Variants in EDA observed in about 807,000 individuals in gnomAD.
EDA encodes ectodysplasin A.
A neutral mutation model predicts 23.6 loss-of-function variants in EDA; 2 were observed. That is an observed-to-expected ratio of 0.08 (90% confidence interval 0.03 to 0.27). The LOEUF is 0.27. Among genes scored for constraint, EDA ranks in the 10% least tolerant of loss-of-function variants. EDA has a pLI of 1.00. For missense variants in EDA, 229 were observed against 324.2 expected (o/e 0.71, Z 2.26); for synonymous variants, 131 against 132.0 (o/e 0.99, Z 0.05).
chrX:69,806,399 G>A (rs1044448099), intron 1 of EDA, among the ~76,000 whole-genome samples: 6 of 110,663 alleles, frequency 5.4e-5, no homozygotes, highest in Non-Finnish European at 7.6e-5. Context: ...ATTTAATATT[G>A]GGATTATCAA....
chrX:69,797,055 A>G (rs2015560702), intron 1 of EDA, among the ~76,000 whole-genome samples: 1 of 111,624 alleles, frequency 9.0e-6, no homozygotes, highest in Non-Finnish European at 1.9e-5. Flanking sequence ...AAGAACAAAA[A>G]AGAATAAGCA....
chrX:69,669,810 C>A (rs1933818623), intron 1 of EDA, among the ~76,000 whole-genome samples: 1 of 110,975 alleles, frequency 9.0e-6, no homozygotes, highest in East Asian at 2.8e-4. Flanking sequence ...AATTTTTCAA[C>A]CCTTGCCCCC....
At chrX:69,974,797 T>C (rs1416014917) in intron 2 of EDA, among the ~76,000 whole-genome samples, 1 of 111,115 alleles carries the variant, frequency 9.0e-6, no homozygotes, top group African/African-American at 3.3e-5. Flanking sequence ...CCTTTAAAAA[T>C]GGGCAAAAGA....
chrX:69,941,423 A>G (rs1602551421), intron 1 of EDA, among the ~76,000 whole-genome samples: 1 of 111,543 alleles, frequency 9.0e-6, no homozygotes, highest in Non-Finnish European at 1.9e-5. Context: ...AACTCTAATA[A>G]CATTTGTTTT....
At chrX:69,822,930 A>G (rs2016275508) in intron 1 of EDA, among the ~76,000 whole-genome samples, 1 of 94,568 alleles carries the variant, frequency 1.1e-5, no homozygotes, top group Admixed American at 1.2e-4. Flanking sequence ...CCCACCTATG[A>G]GTGAGAATAT....
chrX:69,892,238 A>G (rs2017944293), intron 1 of EDA, among the ~76,000 whole-genome samples: 1 of 111,963 alleles, frequency 8.9e-6, no homozygotes, highest in African/African-American at 3.2e-5. Flanking sequence ...TGAACAGGAG[A>G]GTTTCAGGTA....
intron 2 of EDA, among the ~76,000 whole-genome samples, chrX:69,979,249 G>A (rs944439982): frequency 2.7e-5 from 3 of 112,031 alleles, no homozygotes; most frequent in South Asian, 3.7e-4. Flanking sequence ...CCTTTTTGTG[G>A]ATGAATCATA....
At chrX:69,687,405 A>G (rs1934582086) in intron 1 of EDA, among the ~76,000 whole-genome samples, 2 of 111,119 alleles carry the variant, frequency 1.8e-5, no homozygotes, top group African/African-American at 6.5e-5. Context: ...GAAAGGGAGT[A>G]TTGCCATCTT....
intron 1 of EDA, among the ~76,000 whole-genome samples, chrX:69,886,999 C>T (rs2017838758): frequency 1.8e-5 from 2 of 110,041 alleles, no homozygotes; most frequent in South Asian, 7.7e-4. Flanking sequence ...AATAAAGTTC[C>T]AATTACTGAC....
chrX:69,668,932 A>T (rs1299533193), intron 1 of EDA, among the ~76,000 whole-genome samples: 1 of 111,916 alleles, frequency 8.9e-6, no homozygotes, highest in Non-Finnish European at 1.9e-5. Context: ...TATTTACTTT[A>T]TGTATTTAGG....
In EDA at chrX:69,929,706, T is replaced by TGTGTG. The variant is rs373930590; in HGVS notation, c.397-27321_397-27320insGTGTG. On this transcript the variant is annotated intron_variant, in intron 1 of 7. Coordinates refer to ENST00000374552, the MANE Select transcript of EDA (RefSeq NM_001399.5). The stretch of plus-strand genomic sequence containing the variant: ...GAAAACACTTCACTTCATTCTATTT[T>TGTGTG]TGTGTGTGTGTGTGTGTGTGTGTGT... Among the ~76,000 whole-genome samples the TGTGTG allele has an allele frequency of 0.019, 1,615 of 84,322 alleles. 101 individuals carry two copies. In the East Asian group the frequency reaches 0.25, roughly 13 times the overall value. 73.2% of individuals were successfully genotyped at this position (84,322 alleles called of 115,157 possible). A position where few individuals can be genotyped will look rare whatever the true frequency, so the allele number is the denominator to read the frequency against.
intron 1 of EDA, among the ~76,000 whole-genome samples, chrX:69,683,825 A>G (rs980698541): frequency 2.7e-5 from 3 of 112,316 alleles, no homozygotes; most frequent in Non-Finnish European, 5.6e-5. Context: ...ATCTCTGTGC[A>G]ATTTATTTCT....
intron 1 of EDA, among the ~76,000 whole-genome samples, chrX:69,755,943 A>T (rs1179273070): frequency 1.8e-5 from 2 of 111,793 alleles, no homozygotes; most frequent in East Asian, 5.7e-4. Context: ...GAGTGTCCCA[A>T]TTTTCCAGGT....
intron 1 of EDA, among the ~76,000 whole-genome samples, chrX:69,876,104 T>C (rs2017640417): frequency 9.0e-6 from 1 of 111,465 alleles, no homozygotes; most frequent in African/African-American, 3.3e-5. Flanking sequence ...TAAAAGTAGA[T>C]CTACCATTTG....
At chrX:69,652,072 T>C (rs1933124906) in intron 1 of EDA, among the ~76,000 whole-genome samples, 1 of 111,585 alleles carries the variant, frequency 9.0e-6, no homozygotes, top group African/African-American at 3.3e-5. Context: ...GATAAAGTTG[T>C]AGATTTCAAA....
chrX:69,770,733 G>A (rs1378382079), intron 1 of EDA, among the ~76,000 whole-genome samples: 1 of 42,952 alleles, frequency 2.3e-5, no homozygotes, highest in Non-Finnish European at 4.2e-5. Context: ...TTTGGATAAA[G>A]TCCAACTTAA....
At chrX:69,668,638 G>A (rs1480163453) in intron 1 of EDA, among the ~76,000 whole-genome samples, 11 of 111,164 alleles carry the variant, frequency 9.9e-5, no homozygotes, top group Admixed American at 4.8e-4. Context: ...GTGCAATGGC[G>A]TGATCTTGGC....
intron 1 of EDA, among the ~76,000 whole-genome samples, chrX:69,843,915 G>A (rs1461318546): frequency 4.6e-5 from 5 of 107,579 alleles, no homozygotes; most frequent in Non-Finnish European, 9.6e-5. Flanking sequence ...CCAGCTACTC[G>A]GGAGGCGGAG....
At chrX:69,781,984 A>G in intron 1 of EDA, among the ~76,000 whole-genome samples, 1 of 109,779 alleles carries the variant, frequency 9.1e-6, no homozygotes, top group Non-Finnish European at 1.9e-5. Context: ...GCAAGTCAAG[A>G]ATAGTGTGGG....
Sources: allele counts gnomAD v4.1 joint callset (sites outside exome capture counted in the v4.1 genomes callset), GRCh38; gene constraint gnomAD v4.1.1; transcripts MANE v1.5; gene names NCBI Gene and HGNC (gene_info 2026-07-23, HGNC 2026-07-21).